Variants in KCTD16 observed in about 807,000 individuals in gnomAD.
KCTD16 encodes the protein potassium channel tetramerization domain containing 16, also known as BTB/POZ domain-containing protein KCTD16.
KCTD16 carries 13 observed loss-of-function variants against 33.2 expected under a neutral mutation model. The ratio of observed to expected loss-of-function variants is 0.39; its 90% confidence interval spans 0.25 to 0.62. The LOEUF (loss-of-function observed/expected upper bound fraction) is 0.62. KCTD16 is among the 20% of genes least tolerant of loss of function. The pLI is 0.50. For missense variants in KCTD16, 441 were observed against 525.1 expected, an observed-to-expected ratio of 0.84 and a Z score of 1.57; for synonymous variants, 197 against 195.3, an observed-to-expected ratio of 1.01 and a Z score of -0.07.
intron 3 of KCTD16, among the ~76,000 whole-genome samples, chr5:144,445,440 T>A (rs1456157135): frequency 6.6e-6 from 1 of 151,948 alleles, no homozygotes; most frequent in Admixed American, 6.6e-5. Context: ...TCTGGAAGAG[T>A]GTTATTCTGC....
intron 3 of KCTD16, among the ~76,000 whole-genome samples, chr5:144,242,999 A>C (rs571994529): frequency 1.3e-5 from 2 of 152,318 alleles, no homozygotes; most frequent in East Asian, 3.9e-4. Flanking sequence ...GTTTTTACCT[A>C]CTGACCTTTT....
rs748067897 is a variant in KCTD16, at chr5:144,473,717, G to C, written c.890G>C (p.Gly297Ala). 1 of 1,611,678 alleles carries C rather than the reference G, an allele frequency of 6.2e-7. No individual in the cohort carries two copies. The highest frequency in any genetic ancestry group is 8.5e-7 in the Non-Finnish European group (1 of 1,177,942). The change falls in exon 4 of 4, where the codon GGT becomes GCT. Residue 297 changes from glycine (G) to alanine (A), a missense_variant. Physicochemically the swap from Gly to Ala is moderately conservative, Grantham distance 60. Around this residue, in one of 3 missense-constraint regions of KCTD16, gnomAD observed 355 missense variants for 413.0 expected, o/e 0.86. Coordinates refer to ENST00000512467, the MANE Select transcript of KCTD16 (RefSeq NM_020768.4). The part of the protein sequence containing the change: ...HCDCCCKNGK[G>A]DKEGESGTSC... ...GATTGCTGCTGCAAGAATGGCAAAGGTGACAAAGAAGGGGAGAGCGGCACG... is the reference window on the plus strand; with the variant it reads ...GATTGCTGCTGCAAGAATGGCAAAGCTGACAAAGAAGGGGAGAGCGGCACG...
At chr5:144,431,692 G>C (rs964479116) in intron 3 of KCTD16, among the ~76,000 whole-genome samples, 1 of 152,142 alleles carries the variant, frequency 6.6e-6, no homozygotes, top group African/African-American at 2.4e-5. Flanking sequence ...CAGCAGCATA[G>C]TTTAAGAAAC....
intron 3 of KCTD16, among the ~76,000 whole-genome samples, chr5:144,343,860 T>TTGTTTAGTTTCCA (rs1235259156): frequency 6.6e-6 from 1 of 152,196 alleles, no homozygotes; most frequent in African/African-American, 2.4e-5. Context: ...TCAGGTGCAT[T>TTGTTTAGTTTCCA]TGTTTAGTTT....
intron 1 of KCTD16, among the ~76,000 whole-genome samples, chr5:144,172,548 C>T (rs148218581): frequency 4.4e-4 from 67 of 152,280 alleles, no homozygotes; most frequent in African/African-American, 1.6e-3. Flanking sequence ...TGAAATTGCT[C>T]ATTCAAGTGT....
At chr5:144,292,485 G>T (rs2080991) in intron 3 of KCTD16, among the ~76,000 whole-genome samples, 51,105 of 151,994 alleles carry the variant, frequency 0.34, 9,317 homozygotes, top group African/African-American at 0.48. Flanking sequence ...TTTTTTTTCA[G>T]TGCACATAGG....
At chr5:144,172,385 G>A (rs766179011) in intron 1 of KCTD16, among the ~76,000 whole-genome samples, 7 of 152,068 alleles carry the variant, frequency 4.6e-5, no homozygotes, top group East Asian at 3.8e-4. Context: ...TATATCTGTC[G>A]CCTCAGACAT....
chr5:144,262,334 G>A (rs1404106826), intron 3 of KCTD16, among the ~76,000 whole-genome samples: 1 of 152,192 alleles, frequency 6.6e-6, no homozygotes, highest in Non-Finnish European at 1.5e-5. Flanking sequence ...CAGGAGATGA[G>A]GCTGCAGAGG....
At chr5:144,265,426 G>C (rs1755116136) in intron 3 of KCTD16, among the ~76,000 whole-genome samples, 1 of 152,098 alleles carries the variant, frequency 6.6e-6, no homozygotes, top group African/African-American at 2.4e-5. Context: ...TTTATATTAT[G>C]AGAGTTGTTG....
intron 2 of KCTD16, chr5:144,205,343 T>C (rs1490358418): frequency 7.6e-6 from 3 of 393,336 alleles, no homozygotes; most frequent in African/African-American, 2.1e-5. Context: ...GATGATGTAA[T>C]AGTCATTTCC....
chr5:144,336,832 C>G (rs1207614047), intron 3 of KCTD16, among the ~76,000 whole-genome samples: 1 of 151,994 alleles, frequency 6.6e-6, no homozygotes, highest in Admixed American at 6.6e-5. Context: ...ACACACAAAC[C>G]CACACATACT....
At chr5:144,244,473 A>G (rs1325218165) in intron 3 of KCTD16, among the ~76,000 whole-genome samples, 2 of 152,228 alleles carry the variant, frequency 1.3e-5, no homozygotes, top group East Asian at 3.9e-4. Flanking sequence ...AAACAGATAT[A>G]TATAAAGGAC....
At chr5:144,338,872 T>A (rs536049814) in intron 3 of KCTD16, among the ~76,000 whole-genome samples, 71 of 152,310 alleles carry the variant, frequency 4.7e-4, no homozygotes, top group African/African-American at 1.7e-3. Context: ...CTCACTTTTA[T>A]GAGATCCTTT....
intron 3 of KCTD16, among the ~76,000 whole-genome samples, chr5:144,461,018 G>C (rs1754182028): frequency 6.6e-6 from 1 of 152,052 alleles, no homozygotes; most frequent in East Asian, 1.9e-4. Flanking sequence ...CTTTCAAGTG[G>C]GATCTTACTT....
At chr5:144,279,767 A>G (rs749230210) in intron 3 of KCTD16, among the ~76,000 whole-genome samples, 4 of 152,236 alleles carry the variant, frequency 2.6e-5, no homozygotes, top group Non-Finnish European at 5.9e-5. Context: ...TAAAAGTCCT[A>G]CTTCTTAACA....
At chr5:144,460,140 T>C (rs2895225) in intron 3 of KCTD16, among the ~76,000 whole-genome samples, 64,846 of 151,950 alleles carry the variant, frequency 0.43, 14,067 homozygotes, top group East Asian at 0.67. Context: ...CCTCCAATCT[T>C]ATCTTCTATC....
intron 3 of KCTD16, among the ~76,000 whole-genome samples, chr5:144,402,224 T>C (rs539164369): frequency 1.3e-5 from 2 of 152,322 alleles, no homozygotes; most frequent in South Asian, 4.1e-4. Context: ...AACTGTTCGT[T>C]GGCTATAGAA....
At chr5:144,355,239 A>G (rs946827324) in intron 3 of KCTD16, among the ~76,000 whole-genome samples, 6 of 152,204 alleles carry the variant, frequency 3.9e-5, no homozygotes, top group African/African-American at 1.2e-4. Context: ...TTAGTTATCA[A>G]GTTAGCTGCT....
At chr5:144,319,319 C>CTAG (rs1302434386) in intron 3 of KCTD16, among the ~76,000 whole-genome samples, 1 of 151,772 alleles carries the variant, frequency 6.6e-6, no homozygotes, top group Non-Finnish European at 1.5e-5. Flanking sequence ...ACTCACACAG[C>CTAG]TAGTTGTGTG....
Sources: gnomAD v4.1 joint callset for allele counts (sites outside exome capture counted in the v4.1 genomes callset) on GRCh38, gnomAD v4.1.1 for gene constraint, gnomAD v4.1.1 regional missense constraint, MANE v1.5 for transcripts, NCBI Gene and HGNC (gene_info 2026-07-23, HGNC 2026-07-21) for gene names.